NF1: variants seen among roughly 807,000 people sequenced by gnomAD.
The protein encoded by NF1 is neurofibromin 1.
A neutral mutation model predicts 325.7 loss-of-function variants in NF1; 122 were observed. The ratio of observed to expected loss-of-function variants is 0.37; its 90% CI spans 0.32 to 0.44. The LOEUF is 0.44. NF1 is among the 20% of genes least tolerant of loss of function. NF1 has a pLI of 1.00. For synonymous variants in NF1, 1,091 were observed against 1,186.0 expected (o/e 0.92, Z 1.65); for missense variants, 2,140 against 3,415.4 (o/e 0.63, Z 9.31).
chr17:31,362,885 A>T (rs529810326), intron 57 of NF1, among the ~76,000 whole-genome samples: 1 of 152,234 alleles, frequency 6.6e-6, no homozygotes, highest in African/African-American at 2.4e-5. Context: ...GATTAGTTGC[A>T]TATGTCCAGT....
chr17:31,268,898 G>A (rs1305667630), intron 36 of NF1, among the ~76,000 whole-genome samples: 1 of 151,534 alleles, frequency 6.6e-6, no homozygotes, highest in Non-Finnish European at 1.5e-5. Flanking sequence ...TAGAGATGAG[G>A]TTTTGCTATG....
At chr17:31,128,572 T>G (rs1174727417) in intron 1 of NF1, 1 of 152,178 alleles carries the variant, frequency 6.6e-6, no homozygotes, top group East Asian at 1.9e-4. Context: ...ATTTTTCCTT[T>G]GCTTATGTAG....
intron 8 of NF1, among the ~76,000 whole-genome samples, chr17:31,189,318 CT>C (rs1226384759): frequency 9.0e-6 from 1 of 110,754 alleles, no homozygotes; most frequent in South Asian, 3.2e-4. Flanking sequence ...AGCCTTGTTC[CT>C]TTTTGTCTCC....
intron 51 of NF1, chr17:31,355,835 G>A (rs983734132): frequency 1.4e-4 from 22 of 153,666 alleles, no homozygotes; most frequent in Admixed American, 1.4e-3. Context: ...GGGCCACAGA[G>A]CGAGACCCTA....
intron 36 of NF1, chr17:31,272,717 C>T (rs1332153758): frequency 6.6e-6 from 1 of 152,190 alleles, no homozygotes; most frequent in East Asian, 1.9e-4. Context: ...GGAATGTTAA[C>T]AAACATGAAG....
chr17:31,206,272 T>A lies in NF1; in HGVS notation c.1293T>A (p.Ala431=), dbSNP rs2066619379. 1.2e-6 allele frequency: 2 copies of A among 1,613,856 alleles called. No individual in the cohort carries two copies. The highest frequency in any genetic ancestry group is 1.7e-6 in the Non-Finnish European group (2 of 1,179,826). Residue 431 remains alanine (A), a synonymous_variant, in exon 12 of 58, where the codon GCT becomes GCA. Transcript: ENST00000358273. Reference sequence around the variant, plus strand: ...TGGATTGGTGGCCTAAGATTGATGCTGTGTATTGTCACTCGGTTGAACTTC... The same window carrying A: ...TGGATTGGTGGCCTAAGATTGATGCAGTGTATTGTCACTCGGTTGAACTTC... The part of the protein sequence containing the change: ...SALDWWPKID[A]VYCHSVELRN...
At chr17:31,236,087 A>C (rs2151438911) in intron 29 of NF1, 66 bp downstream of exon 29, 1 of 1,223,540 alleles carries the variant, frequency 8.2e-7, no homozygotes, top group East Asian at 2.3e-5. Context: ...TTGTTTTACT[A>C]ACACTGCATG....
intron 1 of NF1, among the ~76,000 whole-genome samples, chr17:31,147,505 CATT>C (rs899680561): frequency 1.3e-5 from 2 of 152,082 alleles, no homozygotes; most frequent in Non-Finnish European, 2.9e-5. Flanking sequence ...TGCTGTAAAA[CATT>C]GTTGTGCATG....
At chr17:31,142,320 T>G (rs1428526501) in intron 1 of NF1, among the ~76,000 whole-genome samples, 1 of 152,216 alleles carries the variant, frequency 6.6e-6, no homozygotes, top group East Asian at 1.9e-4. Context: ...AAAAAGTGTT[T>G]TTCCTCAATT....
chr17:31,228,452 C>T (rs146897626), intron 20 of NF1, among the ~76,000 whole-genome samples: 148 of 152,210 alleles, frequency 9.7e-4, no homozygotes, highest in African/African-American at 3.4e-3. Context: ...TATATAATTA[C>T]ATACCATACA....
At chr17:31,296,744 C>T (rs889766869) in intron 36 of NF1, 8 of 210,970 alleles carry the variant, frequency 3.8e-5, no homozygotes, top group African/African-American at 1.2e-4. Flanking sequence ...AAATGGCTGT[C>T]GTGTCTTTTT....
chr17:31,206,857 A>G (rs2066633732), intron 12 of NF1, among the ~76,000 whole-genome samples: 1 of 152,158 alleles, frequency 6.6e-6, no homozygotes, highest in Non-Finnish European at 1.5e-5. Flanking sequence ...ATTTCAACAA[A>G]TATGCCTTGA....
chr17:31,341,815 G>C (rs1447326343), intron 47 of NF1, among the ~76,000 whole-genome samples: 1 of 151,964 alleles, frequency 6.6e-6, no homozygotes, highest in Non-Finnish European at 1.5e-5. Context: ...TTAGTTCATA[G>C]AGAATAGAGG....
intron 39 of NF1, among the ~76,000 whole-genome samples, chr17:31,333,996 C>T (rs2069572883): frequency 6.6e-6 from 1 of 152,084 alleles, no homozygotes; most frequent in Non-Finnish European, 1.5e-5. Flanking sequence ...AATAAATAAT[C>T]TCAGTATAGG....
chr17:31,270,991 A>G (rs956890619), intron 36 of NF1, among the ~76,000 whole-genome samples: 1 of 152,208 alleles, frequency 6.6e-6, no homozygotes, highest in African/African-American at 2.4e-5. Flanking sequence ...ATTTATTACT[A>G]AAGTTTGGGA....
intron 5 of NF1, 31 bp from the exon 6 acceptor site, chr17:31,181,391 A>G: frequency 6.3e-7 from 1 of 1,584,496 alleles, no homozygotes; most frequent in Non-Finnish European, 8.7e-7. Context: ...CTTATTCTAG[A>G]GTTAATTTTT....
rs970446436 is a variant in NF1 at position 31,095,022 on chromosome 17, T to C, written c.-288T>C. On this transcript the variant is annotated 5_prime_UTR_variant, in exon 1 of 58. Coordinates refer to ENST00000358273, the MANE Select transcript of NF1 (RefSeq NM_001042492.3). ...GCGGCGTCTCGGACTGTGATGGCTG[T>C]GGGGAGACGGCGCTAGTGGGGAGAG... 1.7e-6 allele frequency: 1 copy of C among 581,442 alleles called. No individual in the cohort carries two copies. Among genetic ancestry groups the C allele is most frequent in the Non-Finnish European group, 3.1e-6 (1 of 326,376 alleles). The allele number at this position is 581,442 out of a possible 1,614,324, so 36.0% of individuals were successfully genotyped here. A position where few individuals can be genotyped will look rare whatever the true frequency, so the allele number is the denominator to read the frequency against.
chr17:31,111,274 T>C (rs1042806888), intron 1 of NF1, among the ~76,000 whole-genome samples: 8 of 149,994 alleles, frequency 5.3e-5, no homozygotes, highest in Admixed American at 2.0e-4. Context: ...GGAACATTAG[T>C]AAAAAGTCTA....
intron 1 of NF1, among the ~76,000 whole-genome samples, chr17:31,104,691 G>A (rs1339591009): frequency 2.2e-4 from 33 of 152,160 alleles, no homozygotes; most frequent in Non-Finnish European, 1.5e-5. Context: ...TAAGGTCTCA[G>A]CAAGTTGTAA....
Sources: allele counts gnomAD v4.1 joint callset (sites outside exome capture counted in the v4.1 genomes callset), GRCh38; gene constraint gnomAD v4.1.1; transcripts MANE v1.5; gene names NCBI Gene and HGNC (gene_info 2026-07-23, HGNC 2026-07-21).